FANK1: variants seen among roughly 807,000 people sequenced by gnomAD.
The protein encoded by FANK1 is fibronectin type III and ankyrin repeat domains 1, also known as fibronectin type 3 and ankyrin repeat domains protein 1.
In FANK1, 44 loss-of-function variants were observed where a neutral mutation model predicts 45.3. The ratio of observed to expected loss-of-function variants is 0.97; its 90% CI spans 0.76 to 1.25. The LOEUF (loss-of-function observed/expected upper bound fraction) is 1.25, where lower values mean the gene tolerates loss of function less well. FANK1 is among the 50% of genes most tolerant of loss of function. FANK1 has a pLI of 0.00. For missense variants in FANK1, 391 were observed against 424.4 expected (o/e 0.92, Z 0.69); for synonymous variants, 149 against 152.5 (o/e 0.98, Z 0.17).
intron 1 of FANK1, among the ~76,000 whole-genome samples, chr10:125,897,307 T>C (rs1429725570): frequency 2.0e-5 from 3 of 152,418 alleles, no homozygotes; most frequent in Non-Finnish European, 2.9e-5. Context: ...TTTTGAGTTA[T>C]CAGATCTAAA....
intron 1 of FANK1, among the ~76,000 whole-genome samples, chr10:125,916,267 C>G (rs761440596): frequency 7.7e-4 from 117 of 152,138 alleles, no homozygotes; most frequent in Non-Finnish European, 9.3e-4. Context: ...GATCTCTTGA[C>G]CCGCCTGCCT....
At chr10:125,976,798 T>C (rs1950883895) in intron 1 of FANK1, among the ~76,000 whole-genome samples, 1 of 152,120 alleles carries the variant, frequency 6.6e-6, no homozygotes, top group Non-Finnish European at 1.5e-5. Flanking sequence ...AATTTTTGTA[T>C]TTTTAGTAGA....
intron 1 of FANK1, among the ~76,000 whole-genome samples, chr10:125,971,960 G>C (rs746692401): frequency 5.0e-4 from 76 of 152,210 alleles, no homozygotes; most frequent in Middle Eastern, 3.4e-3. Flanking sequence ...CTACTCTTAA[G>C]AGGCAGTATG....
chr10:125,934,315 C>T (rs189775423), intron 1 of FANK1, among the ~76,000 whole-genome samples: 7 of 152,236 alleles, frequency 4.6e-5, no homozygotes, highest in Non-Finnish European at 7.4e-5. Flanking sequence ...TATTACTTGG[C>T]TTTTCTTTAT....
chr10:125,897,370 T>G (rs1944634044), intron 1 of FANK1, among the ~76,000 whole-genome samples: 1 of 152,308 alleles, frequency 6.6e-6, no homozygotes, highest in African/African-American at 2.4e-5. Flanking sequence ...CCAGGGACTT[T>G]GTTTCAAGGC....
intron 3 of FANK1, among the ~76,000 whole-genome samples, chr10:125,991,250 G>GT (rs1554946302): frequency 1.4e-5 from 2 of 145,908 alleles, no homozygotes; most frequent in South Asian, 2.2e-4. Context: ...GGTGACCAGG[G>GT]GTGTGTGTGT....
At chr10:125,907,778 T>C (rs1258550120) in intron 1 of FANK1, among the ~76,000 whole-genome samples, 1 of 152,150 alleles carries the variant, frequency 6.6e-6, no homozygotes, top group Non-Finnish European at 1.5e-5. Flanking sequence ...GTCTAGGACC[T>C]GAGGGTGGCC....
intron 1 of FANK1, among the ~76,000 whole-genome samples, chr10:125,920,027 G>C (rs1321329173): frequency 3.9e-5 from 6 of 152,150 alleles, no homozygotes. Context: ...CAAAGACACT[G>C]AGGCCCTGTC....
intron 2 of FANK1, among the ~76,000 whole-genome samples, chr10:125,984,560 G>A (rs1032838137): frequency 2.0e-5 from 3 of 152,088 alleles, no homozygotes; most frequent in Non-Finnish European, 4.4e-5. Context: ...ACTGTCTGAC[G>A]TCCAAGCCGA....
chr10:125,988,612 C>T lies in FANK1; in HGVS notation c.253C>T (p.Leu85=). Residue 85 remains leucine (L), a synonymous_variant, in exon 3 of 11, where the codon CTG becomes TTG. Coordinates refer to ENST00000368693, the MANE Select transcript of FANK1 (RefSeq NM_145235.5). ...LEPRTLYRFR[L]KVTSPSGECE... The stretch of plus-strand genomic sequence containing the variant: ...ACCAAGGACGCTGTACAGATTTCGC[C>T]TGAAGGTCACCAGCCCCTCTGGGGA... The T allele has an allele frequency of 2.5e-6, 4 of 1,614,208 alleles. No homozygotes were observed. Among genetic ancestry groups the T allele is most frequent in the Non-Finnish European group, 3.4e-6 (4 of 1,180,034 alleles).
chr10:126,009,248 C>A lies in FANK1; in HGVS notation c.954C>A (p.Ala318=). ...NEFGKGVLEM[A]RVFDRQSVVS... is the part of the protein sequence containing the mutation. ...TCGGCAAAGGTGTCCTAGAAATGGCCAGAGTTTTTGACAGACAGGTTGGGA... is the reference window on the plus strand; with the variant it reads ...TCGGCAAAGGTGTCCTAGAAATGGCAAGAGTTTTTGACAGACAGGTTGGGA... The change falls in exon 10 of 11, where the codon GCC becomes GCA. Residue 318 remains alanine (A), a synonymous_variant. Transcript: ENST00000368693. 1 of 1,614,088 alleles carries A rather than the reference C, an allele frequency of 6.2e-7. No individual in the cohort carries two copies. Among genetic ancestry groups the A allele is most frequent in the South Asian group, 1.1e-5 (1 of 91,084 alleles).
intron 7 of FANK1, among the ~76,000 whole-genome samples, chr10:126,005,310 T>TC (rs949600675): frequency 3.4e-5 from 5 of 145,818 alleles, no homozygotes; most frequent in African/African-American, 1.0e-4. Flanking sequence ...TTTCTTTCTT[T>TC]TTTTTTTTTT....
chr10:126,009,251 A>G lies in FANK1; in HGVS notation c.957A>G (p.Arg319=), dbSNP rs770566435. 1 of 1,614,168 alleles carries G rather than the reference A, an allele frequency of 6.2e-7. No individual in the cohort carries two copies. Among genetic ancestry groups the G allele is most frequent in the Admixed American group, 1.7e-5 (1 of 60,014 alleles). The change falls in exon 10 of 11, where the codon AGA becomes AGG. Residue 319 remains arginine (R), a synonymous_variant. Coordinates refer to ENST00000368693, the MANE Select transcript of FANK1 (RefSeq NM_145235.5). The part of the protein sequence containing the change: ...EFGKGVLEMA[R]VFDRQSVVSL... ...GCAAAGGTGTCCTAGAAATGGCCAG[A>G]GTTTTTGACAGACAGGTTGGGATGC...
At chr10:125,913,515 G>A (rs113021414) in intron 1 of FANK1, among the ~76,000 whole-genome samples, 41 of 152,270 alleles carry the variant, frequency 2.7e-4, no homozygotes, top group African/African-American at 6.5e-4. Flanking sequence ...ACTCAGGCTC[G>A]TTTGCCACAG....
intron 1 of FANK1, among the ~76,000 whole-genome samples, chr10:125,918,788 G>A (rs1027243754): frequency 6.6e-5 from 10 of 151,594 alleles, no homozygotes; most frequent in African/African-American, 2.4e-4. Flanking sequence ...TTTATTTGAA[G>A]TCTTACATAG....
intron 1 of FANK1, 86 bp downstream of exon 1, chr10:125,896,741 G>C: frequency 8.0e-7 from 1 of 1,246,956 alleles, no homozygotes; most frequent in Non-Finnish European, 1.0e-6. Context: ...CCCCGCGCGC[G>C]ACTCCGCAGG....
intron 1 of FANK1, among the ~76,000 whole-genome samples, chr10:125,908,345 A>G (rs2134111229): frequency 6.6e-6 from 1 of 152,316 alleles, no homozygotes; most frequent in East Asian, 1.9e-4. Context: ...AAAATATGGA[A>G]TCAGTTCAAA....
chr10:125,924,825 A>C (rs182325726), intron 1 of FANK1, among the ~76,000 whole-genome samples: 1 of 136,738 alleles, frequency 7.3e-6, no homozygotes, highest in East Asian at 2.1e-4. Flanking sequence ...AAAAAAAAAA[A>C]AAAGACTATC....
intron 1 of FANK1, among the ~76,000 whole-genome samples, chr10:125,950,424 AAAAC>A (rs1036536385): frequency 3.3e-3 from 495 of 150,736 alleles, no homozygotes; most frequent in African/African-American, 0.01. Context: ...TTACAAGAAA[AAAAC>A]AAACAACCCC....
Sources: gnomAD v4.1 joint callset for allele counts (sites outside exome capture counted in the v4.1 genomes callset) on GRCh38, gnomAD v4.1.1 for gene constraint, MANE v1.5 for transcripts, NCBI Gene and HGNC (gene_info 2026-07-23, HGNC 2026-07-21) for gene names.